RPS6KC1: variants seen among roughly 807,000 people sequenced by gnomAD.
RPS6KC1 encodes ribosomal protein S6 kinase C1.
In RPS6KC1, 54 loss-of-function variants were observed where a neutral mutation model predicts 103.8. The observed-to-expected ratio is 0.52, with a 90% CI of 0.42 to 0.65. The LOEUF (loss-of-function observed/expected upper bound fraction) is 0.65. Among genes scored for constraint, RPS6KC1 ranks in the 30% least tolerant of loss-of-function variants. RPS6KC1 has a pLI of 0.00. For missense variants in RPS6KC1, 1,151 were observed against 1,253.8 expected (o/e 0.92, Z 1.24); for synonymous variants, 439 against 438.7 (o/e 1.00, Z -0.01).
chr1:213,056,447 A>T (rs558941368), intron 1 of RPS6KC1, among the ~76,000 whole-genome samples: 4 of 152,226 alleles, frequency 2.6e-5, no homozygotes, highest in Non-Finnish European at 5.9e-5. Flanking sequence ...GTGAGTGTGC[A>T]TATGGGGACA....
the RPS6KC1 span, among the ~76,000 whole-genome samples, chr1:213,439,513 G>A: frequency 1.3e-5 from 2 of 152,112 alleles, no homozygotes; most frequent in South Asian, 2.1e-4. Flanking sequence ...GTTGTGGTTG[G>A]GTTTTGTGGA....
At chr1:213,778,197 T>C in the RPS6KC1 span, among the ~76,000 whole-genome samples, 1 of 152,198 alleles carries the variant, frequency 6.6e-6, no homozygotes, top group Non-Finnish European at 1.5e-5. Flanking sequence ...GAGGATTGCC[T>C]CAATAAATAT....
At chr1:213,064,475 C>G (rs1429157902) in intron 1 of RPS6KC1, among the ~76,000 whole-genome samples, 1 of 151,262 alleles carries the variant, frequency 6.6e-6, no homozygotes, top group Non-Finnish European at 1.5e-5. Flanking sequence ...TCAAGCGATT[C>G]TCCTGCCTCA....
the RPS6KC1 span, among the ~76,000 whole-genome samples, chr1:213,368,242 C>T: frequency 2.0e-5 from 3 of 152,204 alleles, no homozygotes; most frequent in Admixed American, 2.0e-4. Context: ...CATGTGATTT[C>T]CAGTAATCAT....
chr1:213,262,667 G>C (rs1430572426), intron 13 of RPS6KC1, 54 bp from the exon 14 acceptor site: 6 of 1,159,454 alleles, frequency 5.2e-6, no homozygotes, highest in Non-Finnish European at 7.8e-6. Flanking sequence ...TCCTATGATA[G>C]AACAAAATAT....
intron 7 of RPS6KC1, among the ~76,000 whole-genome samples, chr1:213,173,067 C>T (rs1264017024): frequency 2.0e-5 from 3 of 152,128 alleles, no homozygotes; most frequent in African/African-American, 7.2e-5. Context: ...TGCTGCGTCT[C>T]AGTTTTCTCA....
chr1:213,565,397 G>A, the RPS6KC1 span, among the ~76,000 whole-genome samples: 908 of 152,252 alleles, frequency 6.0e-3, 9 homozygotes, highest in African/African-American at 0.017. Flanking sequence ...GAATAAATTG[G>A]TATGCTCATA....
the RPS6KC1 span, among the ~76,000 whole-genome samples, chr1:213,408,948 G>A: frequency 6.6e-6 from 1 of 152,080 alleles, no homozygotes; most frequent in African/African-American, 2.4e-5. Flanking sequence ...CTGTTCTTTG[G>A]TGTATCCCCT....
the RPS6KC1 span, among the ~76,000 whole-genome samples, chr1:213,287,264 GTGTGTGTGTA>G: frequency 2.6e-5 from 2 of 75,640 alleles, no homozygotes; most frequent in Non-Finnish European, 6.7e-5. Flanking sequence ...GTGTGTGTGT[GTGTGTGTGTA>G]TTTTTTTAAG....
the RPS6KC1 span, among the ~76,000 whole-genome samples, chr1:213,316,445 A>T: frequency 2.0e-5 from 3 of 152,244 alleles, no homozygotes. Flanking sequence ...CCTAAATTAC[A>T]TTACCAAATT....
the RPS6KC1 span, among the ~76,000 whole-genome samples, chr1:213,681,402 AC>A: frequency 6.6e-6 from 1 of 152,320 alleles, no homozygotes; most frequent in African/African-American, 2.4e-5. Context: ...AGGGGAAGAA[AC>A]CATGTCAAGG....
intron 7 of RPS6KC1, among the ~76,000 whole-genome samples, chr1:213,169,771 A>G (rs1292736725): frequency 6.6e-6 from 1 of 151,186 alleles, no homozygotes; most frequent in East Asian, 1.9e-4. Flanking sequence ...TTAAATTTTT[A>G]AATTTTTAAG....
At chr1:213,137,398 A>G (rs1408793881) in intron 6 of RPS6KC1, among the ~76,000 whole-genome samples, 1 of 151,750 alleles carries the variant, frequency 6.6e-6, no homozygotes, top group African/African-American at 2.4e-5. Context: ...CAATGGCGCA[A>G]TCTCGGCTCA....
the RPS6KC1 span, among the ~76,000 whole-genome samples, chr1:213,342,248 C>A: frequency 6.6e-6 from 1 of 152,182 alleles, no homozygotes; most frequent in Non-Finnish European, 1.5e-5. Context: ...GCTGCCATTA[C>A]CCAAAGTCTG....
intron 6 of RPS6KC1, among the ~76,000 whole-genome samples, chr1:213,144,331 A>G (rs1290474457): frequency 6.6e-6 from 1 of 152,068 alleles, no homozygotes; most frequent in Non-Finnish European, 1.5e-5. Context: ...GCTGGAGTAC[A>G]GTGGCACAAT....
At chr1:213,126,601 C>T (rs2085018851) in intron 5 of RPS6KC1, among the ~76,000 whole-genome samples, 1 of 152,100 alleles carries the variant, frequency 6.6e-6, no homozygotes, top group South Asian at 2.1e-4. Context: ...AAACTATGTT[C>T]TATGGGCTGA....
chr1:213,245,374 C>T (rs2094438126), intron 12 of RPS6KC1, among the ~76,000 whole-genome samples: 2 of 152,070 alleles, frequency 1.3e-5, no homozygotes, highest in South Asian at 4.1e-4. Flanking sequence ...CATGTGATCC[C>T]CTCCCTCTTA....
the RPS6KC1 span, among the ~76,000 whole-genome samples, chr1:213,693,197 G>A: frequency 2.6e-5 from 4 of 152,230 alleles, no homozygotes; most frequent in South Asian, 2.1e-4. Flanking sequence ...AGCCAAAGAA[G>A]CTAAGAGTGC....
the RPS6KC1 span, among the ~76,000 whole-genome samples, chr1:213,364,376 C>T: frequency 7.2e-5 from 11 of 152,316 alleles, no homozygotes; most frequent in Non-Finnish European, 1.3e-4. Context: ...GGAACTGGAT[C>T]TTAACTGATA....
Sources: gnomAD v4.1 joint callset for allele counts (sites outside exome capture counted in the v4.1 genomes callset) on GRCh38, gnomAD v4.1.1 for gene constraint, MANE v1.5 for transcripts, NCBI Gene and HGNC (gene_info 2026-07-23, HGNC 2026-07-21) for gene names.